The following VAT1L variants were observed in gnomAD, a reference collection of about 807,000 sequenced individuals.
The protein encoded by VAT1L is putative NADPH-dependent quinone oxidoreductase VAT1L.
Under a neutral mutation model 44.1 loss-of-function variants are expected in VAT1L, and 34 were observed. The ratio of observed to expected loss-of-function variants is 0.77; its 90% CI spans 0.59 to 1.03. VAT1L has a LOEUF of 1.03. Among genes scored for constraint, VAT1L ranks in the 50% least tolerant of loss-of-function variants. VAT1L has a pLI of 0.00. For missense variants in VAT1L, 615 were observed against 538.8 expected, an observed-to-expected ratio of 1.14 and a Z score of -1.40; for synonymous variants, 253 against 202.2, an observed-to-expected ratio of 1.25 and a Z score of -2.13.
chr16:77,802,202 T>G (rs571546915), intron 1 of VAT1L, among the ~76,000 whole-genome samples: 13 of 152,342 alleles, frequency 8.5e-5, no homozygotes, highest in African/African-American at 2.6e-4. Context: ...TTTTCTTTCC[T>G]TTTCCTAGTC....
intron 2 of VAT1L, among the ~76,000 whole-genome samples, chr16:77,817,677 A>G (rs907412619): frequency 4.6e-5 from 7 of 152,222 alleles, no homozygotes; most frequent in Admixed American, 2.6e-4. Flanking sequence ...ACTTCTGTAC[A>G]TGTTCAAAAT....
chr16:77,831,082 G>C (rs1487775530), intron 3 of VAT1L, among the ~76,000 whole-genome samples: 2 of 152,180 alleles, frequency 1.3e-5, no homozygotes, highest in African/African-American at 4.8e-5. Context: ...AACATTTCAT[G>C]GGCAGAGTTA....
At chr16:77,842,439 G>A (rs1164808279) in intron 3 of VAT1L, among the ~76,000 whole-genome samples, 1 of 152,202 alleles carries the variant, frequency 6.6e-6, no homozygotes, top group Non-Finnish European at 1.5e-5. Flanking sequence ...CATGGAGTGT[G>A]GAGTCTGCAA....
intron 6 of VAT1L, among the ~76,000 whole-genome samples, chr16:77,883,541 T>G (rs1308692312): frequency 6.6e-6 from 1 of 152,190 alleles, no homozygotes; most frequent in Non-Finnish European, 1.5e-5. Flanking sequence ...CTGTGAATAT[T>G]CTTTGTCCTG....
intron 7 of VAT1L, among the ~76,000 whole-genome samples, chr16:77,891,966 G>A (rs1264729693): frequency 6.6e-6 from 1 of 152,168 alleles, no homozygotes; most frequent in Non-Finnish European, 1.5e-5. Context: ...CAGCTACTCG[G>A]GGGGCTGAGG....
intron 4 of VAT1L, among the ~76,000 whole-genome samples, chr16:77,873,821 G>A (rs113182282): frequency 0.012 from 1,796 of 152,278 alleles, 25 homozygotes; most frequent in Middle Eastern, 0.048. Flanking sequence ...GGGATAGGCT[G>A]TCCAGGCAGA....
intron 3 of VAT1L, among the ~76,000 whole-genome samples, chr16:77,836,393 A>C: frequency 6.6e-6 from 1 of 152,134 alleles, no homozygotes; most frequent in East Asian, 1.9e-4. Flanking sequence ...TGAAAATTTA[A>C]AGAGAACTAA....
chr16:77,930,107 C>G lies in VAT1L; in HGVS notation c.1078-41743C>G, dbSNP rs150689680. ...TACCTTCCAGCCCAAACTTCGTATC[C>G]TTCTTGAAACAAACCACCCACACCC... On this transcript the variant is annotated intron_variant, in intron 7 of 8. Coordinates refer to ENST00000302536, the MANE Select transcript of VAT1L (RefSeq NM_020927.3). 4.2e-3 allele frequency among the ~76,000 whole-genome samples: 647 copies of G among 152,320 alleles called. 4 individuals carry two copies. Among genetic ancestry groups the G allele is most frequent in the African/African-American group, 0.015 (614 of 41,578 alleles).
Position 77,884,950 on chromosome 16 carries a change from A to G in VAT1L, c.1077+148A>G, listed in dbSNP as rs549544039. ...TCCTAAAAGTCACCTGTACCACAGA[A>G]TAGTACTTTGGATATAAGAAATACT... On this transcript the variant is annotated intron_variant, in intron 7 of 8. Transcript: ENST00000302536. The surrounding 1 kb of genome is among the most constrained non-coding windows in gnomAD (Gnocchi z 4.5). The G allele has an allele frequency of 6.1e-4, 488 of 796,488 alleles. No homozygotes were observed. Among genetic ancestry groups the G allele is most frequent in the Non-Finnish European group, 7.8e-4 (423 of 541,240 alleles). 49.3% of individuals were successfully genotyped at this position (796,488 alleles called of 1,614,324 possible).
intron 1 of VAT1L, among the ~76,000 whole-genome samples, chr16:77,812,405 A>G (rs2016281658): frequency 6.6e-6 from 1 of 152,134 alleles, no homozygotes; most frequent in Admixed American, 6.5e-5. Flanking sequence ...GATTTTAGTA[A>G]CATTTGATTT....
At chr16:77,944,018 C>T (rs895796304) in intron 7 of VAT1L, among the ~76,000 whole-genome samples, 1 of 152,144 alleles carries the variant, frequency 6.6e-6, no homozygotes, top group Non-Finnish European at 1.5e-5. Flanking sequence ...TCTAACGCTA[C>T]ATCAAAGGCT....
At chr16:77,825,569 C>A (rs904299790) in intron 3 of VAT1L, 108 bp downstream of exon 3, 136 of 1,272,210 alleles carry the variant, frequency 1.1e-4, no homozygotes, top group Non-Finnish European at 1.4e-4. Context: ...GGAATCATCA[C>A]TATGGTTCTG....
At chr16:77,828,385 C>G (rs554788887) in intron 3 of VAT1L, among the ~76,000 whole-genome samples, 1 of 151,974 alleles carries the variant, frequency 6.6e-6, no homozygotes, top group African/African-American at 2.4e-5. Flanking sequence ...GAGTGGGGGC[C>G]GGGCGCGGTG....
intron 7 of VAT1L, among the ~76,000 whole-genome samples, chr16:77,921,949 T>G (rs1354798270): frequency 6.6e-6 from 1 of 152,096 alleles, no homozygotes; most frequent in South Asian, 2.1e-4. Flanking sequence ...GGTCTCACTA[T>G]GTTGCCCAGG....
intron 3 of VAT1L, among the ~76,000 whole-genome samples, chr16:77,835,322 T>C (rs2016627713): frequency 6.6e-6 from 1 of 152,226 alleles, no homozygotes; most frequent in Non-Finnish European, 1.5e-5. Flanking sequence ...TTTCTCATGC[T>C]ATCCAACAGT....
intron 7 of VAT1L, among the ~76,000 whole-genome samples, chr16:77,929,385 T>C (rs903078919): frequency 6.6e-6 from 1 of 152,218 alleles, no homozygotes; most frequent in Non-Finnish European, 1.5e-5. Flanking sequence ...TTTAGGTACA[T>C]GTATTTGTAT....
At chr16:77,810,143 T>A (rs2016239682) in intron 1 of VAT1L, among the ~76,000 whole-genome samples, 1 of 152,306 alleles carries the variant, frequency 6.6e-6, no homozygotes, top group African/African-American at 2.4e-5. Context: ...AATGAGAACT[T>A]TTCATTTACT....
At chr16:77,892,483 C>A in intron 7 of VAT1L, 1 of 535,028 alleles carries the variant, frequency 1.9e-6, no homozygotes. Context: ...CTTGTGTCTC[C>A]TTTGAGCTGT....
intron 3 of VAT1L, among the ~76,000 whole-genome samples, chr16:77,827,486 T>C (rs914720374): frequency 6.6e-6 from 1 of 152,258 alleles, no homozygotes; most frequent in Non-Finnish European, 1.5e-5. Flanking sequence ...TTTATCGTGC[T>C]CTATTCTGGG....
Sources: allele counts gnomAD v4.1 joint callset (sites outside exome capture counted in the v4.1 genomes callset), GRCh38; gene constraint gnomAD v4.1.1; non-coding constraint Gnocchi (gnomAD v3.1); transcripts MANE v1.5; gene names NCBI Gene and HGNC (gene_info 2026-07-23, HGNC 2026-07-21).